EHD2: variants seen among roughly 807,000 people sequenced by gnomAD.
The protein encoded by EHD2 is EH domain-containing protein 2.
A neutral mutation model predicts 41.0 loss-of-function variants in EHD2; 27 were observed. The observed-to-expected ratio is 0.66, with a 90% CI of 0.49 to 0.91. The LOEUF (loss-of-function observed/expected upper bound fraction) is 0.91. Among genes scored for constraint, EHD2 ranks in the 40% least tolerant of loss-of-function variants. The pLI, the probability that EHD2 is intolerant of heterozygous loss-of-function variation, is 0.00. For synonymous variants in EHD2, 342 were observed against 341.0 expected (o/e 1.00, Z -0.03); for missense variants, 673 against 773.9 (o/e 0.87, Z 1.55).
chr19:47,733,948 G>A (rs1042627710), intron 4 of EHD2, among the ~76,000 whole-genome samples: 2 of 152,024 alleles, frequency 1.3e-5, no homozygotes, highest in Non-Finnish European at 2.9e-5. Flanking sequence ...TGTCGGCTTC[G>A]GTAGAAATTT....
intron 4 of EHD2, among the ~76,000 whole-genome samples, chr19:47,735,856 A>T (rs1280770014): frequency 6.7e-6 from 1 of 149,252 alleles, no homozygotes; most frequent in Non-Finnish European, 1.5e-5. Flanking sequence ...CAGCGAGCTG[A>T]TTGCACCACT....
chr19:47,723,867 T>A (rs753729988), intron 3 of EHD2, among the ~76,000 whole-genome samples: 3 of 151,902 alleles, frequency 2.0e-5, no homozygotes, highest in Non-Finnish European at 4.4e-5. Context: ...TTTTTTTCTG[T>A]AGAGACAGGG....
chr19:47,741,234 G>A lies in EHD2; in HGVS notation c.1434G>A (p.Gly478=). 1 of 1,614,030 alleles carries A rather than the reference G, an allele frequency of 6.2e-7. No homozygotes were observed. Among genetic ancestry groups the A allele is most frequent in the Non-Finnish European group, 8.5e-7 (1 of 1,179,984 alleles). The change falls in exon 6 of 6, where the codon GGG becomes GGA. Residue 478 remains glycine, a synonymous_variant. Coordinates refer to ENST00000263277, the MANE Select transcript of EHD2 (RefSeq NM_014601.4). The surrounding 1 kb of genome is among the most constrained non-coding windows in gnomAD (Gnocchi z 4.5). The part of the protein sequence containing the change: ...SGSKAKTWMV[G]TKLPNSVLGR... ...CCAAGGCCAAGACCTGGATGGTGGG[G>A]ACCAAGCTCCCCAACTCAGTGCTGG... is the stretch of plus-strand genomic sequence containing the variant.
intron 1 of EHD2, among the ~76,000 whole-genome samples, chr19:47,715,413 G>A (rs1316266169): frequency 6.6e-6 from 1 of 152,060 alleles, no homozygotes; most frequent in Non-Finnish European, 1.5e-5. Context: ...TCATGGAGCA[G>A]CTCAAAAGTC....
chr19:47,726,637 T>C (rs1046927364), intron 4 of EHD2, among the ~76,000 whole-genome samples: 3 of 149,738 alleles, frequency 2.0e-5, no homozygotes, highest in African/African-American at 7.4e-5. Context: ...CCTTCCTCCC[T>C]CCTCCCTTCC....
intron 1 of EHD2, among the ~76,000 whole-genome samples, chr19:47,714,002 C>T (rs1973600580): frequency 6.6e-6 from 1 of 152,172 alleles, no homozygotes; most frequent in African/African-American, 2.4e-5. Context: ...AGCCCTCTCC[C>T]TCTGCCCACA....
At position 47,741,717 on chromosome 19, in the gene EHD2, C is replaced by A; in HGVS notation, c.*285C>A. 1.6e-6 allele frequency: 1 copy of A among 617,248 alleles called. No homozygotes were observed. The highest frequency in any genetic ancestry group is 1.6e-5 in the South Asian group (1 of 60,832). The allele number at this position is 617,248 out of a possible 1,614,324, so 38.2% of individuals were successfully genotyped here. A position where few individuals can be genotyped will look rare whatever the true frequency, so the allele number is the denominator to read the frequency against. On this transcript the variant is annotated 3_prime_UTR_variant, in exon 6 of 6. Transcript: ENST00000263277. This position sits in a 1 kb window ranked among gnomAD's most constrained non-coding sequence, Gnocchi z 4.5. ...GGCATCCATCCATCCGTCATTCATT[C>A]AAATATTTATTGAGCACCTACTATG...
chr19:47,715,808 C>T (rs573569630), intron 1 of EHD2, among the ~76,000 whole-genome samples: 7 of 152,160 alleles, frequency 4.6e-5, no homozygotes, highest in South Asian at 2.1e-4. Context: ...AATGGAGTGT[C>T]GCTCTGTCAA....
In EHD2 at chr19:47,742,063, G is replaced by T. The variant is rs893515857; in HGVS notation, c.*631G>T. 5.0e-6 allele frequency: 2 copies of T among 401,166 alleles called. No homozygotes were observed. Among genetic ancestry groups the T allele is most frequent in the African/African-American group, 2.1e-5 (1 of 48,402 alleles). The allele number at this position is 401,166 out of a possible 1,614,324, so 24.9% of individuals were successfully genotyped here. A position where few individuals can be genotyped will look rare whatever the true frequency, so the allele number is the denominator to read the frequency against. On this transcript the variant is annotated 3_prime_UTR_variant, in exon 6 of 6. Transcript: ENST00000263277. ...ACACACCTACTGCTTCCTCAGATGG[G>T]CCCCTCCGCAGCCCCTTCCCTTGCT...
chr19:47,741,178 C>T lies in EHD2; in HGVS notation c.1378C>T (p.Leu460=), dbSNP rs1568594930. Reference sequence around the variant, plus strand: ...CAAATACGACGAGATCTTCTACAACCTGGCGCCTGCCGACGGCAAGCTGAG... The same window carrying T: ...CAAATACGACGAGATCTTCTACAACTTGGCGCCTGCCGACGGCAAGCTGAG... ...KSKYDEIFYN[L]APADGKLSGS... Residue 460 remains leucine, a synonymous_variant, in exon 6 of 6, where the codon CTG becomes TTG. Coordinates refer to ENST00000263277, the MANE Select transcript of EHD2 (RefSeq NM_014601.4). This position sits in a 1 kb window ranked among gnomAD's most constrained non-coding sequence, Gnocchi z 4.5. 6.2e-7 allele frequency: 1 copy of T among 1,613,870 alleles called. No homozygotes were observed. Among genetic ancestry groups the T allele is most frequent in the South Asian group, 1.1e-5 (1 of 91,088 alleles).
chr19:47,731,282 A>ATATATATATATGTG (rs1568591770), intron 4 of EHD2: 2 of 60,694 alleles, frequency 3.3e-5, no homozygotes, highest in East Asian at 3.7e-4. Flanking sequence ...AAAAAAAAAT[A>ATATATATATATGTG]TATATATATA....
intron 3 of EHD2, among the ~76,000 whole-genome samples, chr19:47,725,278 C>T (rs890200718): frequency 4.6e-5 from 7 of 151,336 alleles, no homozygotes; most frequent in Middle Eastern, 3.2e-3. Flanking sequence ...AGGCTGGGCG[C>T]GGTGGCCCAC....
intron 3 of EHD2, among the ~76,000 whole-genome samples, chr19:47,725,256 A>G (rs930161368): frequency 2.0e-5 from 3 of 151,998 alleles, no homozygotes; most frequent in Non-Finnish European, 4.4e-5. Flanking sequence ...AAATGAAAAA[A>G]TGGAGGCCGT....
chr19:47,735,511 T>C (rs1966911976), intron 4 of EHD2, among the ~76,000 whole-genome samples: 1 of 151,808 alleles, frequency 6.6e-6, no homozygotes, highest in Non-Finnish European at 1.5e-5. Context: ...GGCGGGAGGA[T>C]CCCTTGAGCC....
chr19:47,719,944 A>ATGTG lies in EHD2; in HGVS notation c.502+1339_502+1340insGTGT, dbSNP rs879925800. On this transcript the variant is annotated intron_variant, in intron 3 of 5. Coordinates refer to ENST00000263277, the MANE Select transcript of EHD2 (RefSeq NM_014601.4). This position sits in a 1 kb window ranked among gnomAD's most constrained non-coding sequence, Gnocchi z 4.1. ...AGAGAGTGTCCAGCTGTTGGTGTGT[A>ATGTG]TATGTGTGTGTGTGTGTGTGTGTGT... Among the ~76,000 whole-genome samples, 458 of 112,102 alleles carry ATGTG rather than the reference A, an allele frequency of 4.1e-3. 1 individual carries two copies. The highest frequency in any genetic ancestry group is 5.5e-3 in the Non-Finnish European group (321 of 58,338). The allele number at this position is 112,102 out of a possible 152,430, so 73.5% of individuals were successfully genotyped here.
chr19:47,716,950 C>T lies in EHD2; in HGVS notation c.338C>T (p.Ala113Val). ...ACTGAGGGCACCGTGCCCGGCAACGCCCTCGTCGTGGACCCGGACAAGCCC... is the reference window on the plus strand; with the variant it reads ...ACTGAGGGCACCGTGCCCGGCAACGTCCTCGTCGTGGACCCGGACAAGCCC... ...GDTEGTVPGN[A>V]LVVDPDKPFR... is the part of the protein sequence containing the mutation. The change falls in exon 2 of 6, where the codon GCC becomes GTC. Residue 113 changes from alanine (A) to valine (V), a missense_variant. Ala to Val is a moderately conservative substitution (Grantham distance 64). Transcript: ENST00000263277. 1.9e-6 allele frequency: 3 copies of T among 1,607,406 alleles called. No individual in the cohort carries two copies. The highest frequency in any genetic ancestry group is 2.5e-6 in the Non-Finnish European group (3 of 1,179,954).
rs34254815 is a variant in EHD2 at position 47,733,751 on chromosome 19, C to CAAAAAAAAAAAAAAAAAAAAAAAA, written c.916-2617_916-2594dup. Among the ~76,000 whole-genome samples, 8 of 57,116 alleles carry CAAAAAAAAAAAAAAAAAAAAAAAA rather than the reference C, an allele frequency of 1.4e-4. 3 individuals are homozygous for CAAAAAAAAAAAAAAAAAAAAAAAA. Among genetic ancestry groups the CAAAAAAAAAAAAAAAAAAAAAAAA allele is most frequent in the Non-Finnish European group, 2.7e-4 (8 of 30,150 alleles). The allele number at this position is 57,116 out of a possible 152,430, so 37.5% of individuals were successfully genotyped here. A position where few individuals can be genotyped will look rare whatever the true frequency, so the allele number is the denominator to read the frequency against. On this transcript the variant is annotated intron_variant, in intron 4 of 5. Coordinates refer to ENST00000263277, the MANE Select transcript of EHD2 (RefSeq NM_014601.4). ...TGGGTGACAGAGCAAGACTCTGTCT[C>CAAAAAAAAAAAAAAAAAAAAAAAA]AAAAAAAAAAAAAAAAAAAAAAAAT...
Position 47,736,384 on chromosome 19 carries a change from A to G in EHD2, c.931A>G (p.Ile311Val). ...CTTCCCACAGGTTCACGCTTACATC[A>G]TCAGCTACCTGAAGAAGGAGATGCC... ...ARLVRVHAYI[I>V]SYLKKEMPSV... The change falls in exon 5 of 6, where the codon ATC becomes GTC. Residue 311 changes from isoleucine to valine, a missense_variant. Ile to Val is a conservative substitution (Grantham distance 29). Transcript: ENST00000263277. 1.9e-6 allele frequency: 3 copies of G among 1,613,306 alleles called. No homozygotes were observed. The highest frequency in any genetic ancestry group is 1.1e-5 in the South Asian group (1 of 90,810).
Position 47,716,549 on chromosome 19 carries a change from C to G in EHD2, c.-55-9C>G, listed in dbSNP as rs1973626491. 21 of 1,440,884 alleles carry G rather than the reference C, an allele frequency of 1.5e-5. No individual in the cohort carries two copies. The East Asian group carries it at 4.5e-4, about 31-fold the overall frequency. The allele number at this position is 1,440,884 out of a possible 1,614,324, so 89.3% of individuals were successfully genotyped here. A position where few individuals can be genotyped will look rare whatever the true frequency, so the allele number is the denominator to read the frequency against. ...CCGCCTATGCTCATGCCCTCTCCCC[C>G]TCCCACAGGCAGCTCTCCATCTGCA... On this transcript the variant is annotated splice_polypyrimidine_tract_variant and intron_variant, in intron 1 of 5. Transcript: ENST00000263277.
Sources: gnomAD v4.1 joint callset for allele counts (sites outside exome capture counted in the v4.1 genomes callset) on GRCh38, gnomAD v4.1.1 for gene constraint, Gnocchi (gnomAD v3.1) non-coding constraint, MANE v1.5 for transcripts, NCBI Gene and HGNC (gene_info 2026-07-23, HGNC 2026-07-21) for gene names.